KCTD3: variants seen among roughly 807,000 people sequenced by gnomAD.
KCTD3 encodes BTB/POZ domain-containing protein KCTD3.
KCTD3 carries 41 observed loss-of-function variants against 85.8 expected under a neutral mutation model. That is an observed-to-expected ratio of 0.48 (90% CI 0.37 to 0.62). KCTD3 has a LOEUF of 0.62. Among genes scored for constraint, KCTD3 ranks in the 20% least tolerant of loss-of-function variants. The probability of loss-of-function intolerance (pLI) is 0.00; values close to 1 mark genes in which losing one functional copy is unlikely to be tolerated. For synonymous variants in KCTD3, 338 were observed against 345.4 expected (o/e 0.98, Z 0.24); for missense variants, 724 against 989.9 (o/e 0.73, Z 3.60).
intron 9 of KCTD3, among the ~76,000 whole-genome samples, chr1:215,590,966 C>T (rs1660183092): frequency 6.6e-6 from 1 of 152,110 alleles, no homozygotes; most frequent in African/African-American, 2.4e-5. Context: ...GGATCTTGAA[C>T]CTGTTAGGCT....
intron 4 of KCTD3, among the ~76,000 whole-genome samples, chr1:215,576,858 G>T (rs1444452624): frequency 6.6e-6 from 1 of 151,938 alleles, no homozygotes; most frequent in African/African-American, 2.4e-5. Flanking sequence ...GTGAGCCACC[G>T]CCCCCAGACA....
chr1:215,582,593 G>T lies in KCTD3; in HGVS notation c.626+2594G>T, dbSNP rs546946801. Among the ~76,000 whole-genome samples the T allele has an allele frequency of 2.0e-5, 3 of 152,106 alleles. 1 individual carries two copies. Among genetic ancestry groups the T allele is most frequent in the African/African-American group, 7.2e-5 (3 of 41,494 alleles). ...TTTTGAGATTTTGAGACAGAGTCTT[G>T]CACTGTCACCCAGGCTAGAGTGCAG... On this transcript the variant is annotated intron_variant, in intron 8 of 17. Coordinates refer to ENST00000259154, the MANE Select transcript of KCTD3 (RefSeq NM_016121.5).
intron 9 of KCTD3, among the ~76,000 whole-genome samples, chr1:215,591,292 T>G: frequency 3.6e-5 from 1 of 27,888 alleles, no homozygotes; most frequent in Non-Finnish European, 7.7e-5. Context: ...CCTTCTTTCC[T>G]TCCTTCCTTC....
intron 9 of KCTD3, among the ~76,000 whole-genome samples, chr1:215,588,437 C>A (rs1427111906): frequency 6.7e-6 from 1 of 149,634 alleles, no homozygotes; most frequent in Non-Finnish European, 1.5e-5. Flanking sequence ...ATCTTTAAAT[C>A]TTTGATTTGG....
In KCTD3 at chr1:215,586,618, T is replaced by G. The variant is rs1224377793; in HGVS notation, c.750T>G (p.Val250=). Residue 250 remains valine (V), a synonymous_variant, in exon 9 of 18, where the codon GTT becomes GTG. Coordinates refer to ENST00000259154, the MANE Select transcript of KCTD3 (RefSeq NM_016121.5). ...GGPHGDKDKM[V]AVASESSIIL... ...CACATGGAGACAAAGACAAAATGGT[T>G]GCTGTTGCCTCAGAGAGTAGCATCA... The G allele has an allele frequency of 6.2e-7, 1 of 1,614,056 alleles. No individual in the cohort carries two copies. Among genetic ancestry groups the G allele is most frequent in the Non-Finnish European group, 8.5e-7 (1 of 1,180,026 alleles).
At chr1:215,604,354 C>A in intron 13 of KCTD3, 52 bp downstream of exon 13, 2 of 1,414,632 alleles carry the variant, frequency 1.4e-6, no homozygotes, top group Non-Finnish European at 2.0e-6. Flanking sequence ...GTGTTATTTT[C>A]ATTAAAAGAA....
chr1:215,600,358 T>C (rs1020351439), intron 10 of KCTD3, among the ~76,000 whole-genome samples: 1 of 152,208 alleles, frequency 6.6e-6, no homozygotes, highest in Non-Finnish European at 1.5e-5. Flanking sequence ...TTTTTTTACT[T>C]GCTCTTCAGA....
intron 10 of KCTD3, among the ~76,000 whole-genome samples, chr1:215,599,098 C>T (rs557636514): frequency 9.9e-5 from 15 of 152,192 alleles, no homozygotes; most frequent in Non-Finnish European, 1.3e-4. Context: ...AAGACGACAA[C>T]GGGCATTCTC....
chr1:215,620,211 G>A lies in KCTD3; in HGVS notation c.2041G>A (p.Glu681Lys), dbSNP rs752091917. 2 of 1,613,896 alleles carry A rather than the reference G, an allele frequency of 1.2e-6. No individual in the cohort carries two copies. The highest frequency in any genetic ancestry group is 8.5e-7 in the Non-Finnish European group (1 of 1,179,840). The part of the protein sequence containing the change: ...FQTINLNRNV[E>K]RAVPENGNLG... ...GACTATTAATTTGAACAGAAATGTA[G>A]AAAGAGCTGTCCCTGAAAATGGTAA... is the stretch of plus-strand genomic sequence containing the variant. Residue 681 changes from glutamate to lysine, a missense_variant, in exon 18 of 18, where the codon GAA (glutamate) becomes AAA (lysine). Physicochemically the swap from Glu to Lys is moderately conservative, Grantham distance 56. Transcript: ENST00000259154.
intron 13 of KCTD3, among the ~76,000 whole-genome samples, chr1:215,605,869 G>A (rs999664938): frequency 3.3e-5 from 5 of 151,956 alleles, no homozygotes; most frequent in Admixed American, 2.0e-4. Flanking sequence ...AGTGTCTCAC[G>A]TCATCATCCT....
chr1:215,583,090 AAT>A (rs1333646832), intron 8 of KCTD3, among the ~76,000 whole-genome samples: 1 of 152,148 alleles, frequency 6.6e-6, no homozygotes, highest in African/African-American at 2.4e-5. Flanking sequence ...ACTTAGAAGT[AAT>A]ATGTCTGTAA....
intron 9 of KCTD3, among the ~76,000 whole-genome samples, chr1:215,588,360 G>A (rs1558234371): frequency 6.6e-6 from 1 of 151,804 alleles, no homozygotes; most frequent in African/African-American, 2.4e-5. Context: ...ACATTCTTTA[G>A]TTACTAAGAC....
intron 17 of KCTD3, among the ~76,000 whole-genome samples, chr1:215,619,657 G>A (rs985679674): frequency 2.0e-5 from 3 of 152,020 alleles, no homozygotes; most frequent in Non-Finnish European, 2.9e-5. Flanking sequence ...CTATTATGTT[G>A]TCTAGTCTTA....
chr1:215,604,424 G>A, intron 13 of KCTD3, 122 bp downstream of exon 13: 2 of 727,176 alleles, frequency 2.8e-6, no homozygotes, highest in South Asian at 1.9e-5. Context: ...AAAGTTTAAT[G>A]ACTGAAGAAA....
chr1:215,602,074 TTA>T lies in KCTD3; in HGVS notation c.1022-9_1022-8del, dbSNP rs754651620. 1 of 1,531,832 alleles carries T rather than the reference TTA, an allele frequency of 6.5e-7. No homozygotes were observed. The highest frequency in any genetic ancestry group is 1.2e-5 in the South Asian group (1 of 86,118). 94.9% of individuals were successfully genotyped at this position (1,531,832 alleles called of 1,614,324 possible). ...TTTATTTTAATGCTGTTTAAAATTT[TTA>T]TGTTTTAGATATGCAGAAGTTCCCC... On this transcript the variant is annotated splice_polypyrimidine_tract_variant and intron_variant, in intron 11 of 17. Coordinates refer to ENST00000259154, the MANE Select transcript of KCTD3 (RefSeq NM_016121.5).
At chr1:215,581,134 T>C in intron 8 of KCTD3, 1 of 281,290 alleles carries the variant, frequency 3.6e-6, no homozygotes, top group Non-Finnish European at 7.1e-6. Flanking sequence ...TAATCCCAGC[T>C]ACTCGGGAGG....
chr1:215,615,781 G>C lies in KCTD3; in HGVS notation c.1563-3105G>C, dbSNP rs551663292. 3.9e-5 allele frequency among the ~76,000 whole-genome samples: 6 copies of C among 152,204 alleles called. 1 individual carries two copies. The South Asian group carries it at 1.0e-3, about 26-fold the overall frequency. ...TTTATTATACTTTTATATGACACGA[G>C]AGCCTTCAGAATGAAGACCCAAAGA... On this transcript the variant is annotated intron_variant, in intron 15 of 17. Coordinates refer to ENST00000259154, the MANE Select transcript of KCTD3 (RefSeq NM_016121.5).
At chr1:215,617,524 T>C (rs983578912) in intron 15 of KCTD3, among the ~76,000 whole-genome samples, 1 of 152,080 alleles carries the variant, frequency 6.6e-6, no homozygotes, top group African/African-American at 2.4e-5. Flanking sequence ...AGAACCCTTT[T>C]TTTTGCCAAG....
At chr1:215,612,276 TATACATTATTGATGTTTCTCA>T (rs1655261918) in intron 15 of KCTD3, among the ~76,000 whole-genome samples, 1 of 152,198 alleles carries the variant, frequency 6.6e-6, no homozygotes, top group African/African-American at 2.4e-5. Context: ...TATAAATCTG[TATACATTATTGATGTTTCTCA>T]AATAAAACAT....
Sources: allele counts gnomAD v4.1 joint callset (sites outside exome capture counted in the v4.1 genomes callset), GRCh38; gene constraint gnomAD v4.1.1; transcripts MANE v1.5; gene names NCBI Gene and HGNC (gene_info 2026-07-23, HGNC 2026-07-21).